ACSM3: variants seen among roughly 807,000 people sequenced by gnomAD.
ACSM3 encodes acyl-CoA synthetase medium chain family member 3.
A neutral mutation model predicts 74.1 loss-of-function variants in ACSM3; 61 were observed. The observed-to-expected ratio is 0.82, with a 90% CI of 0.67 to 1.02. ACSM3 has a LOEUF of 1.02. Ranked by LOEUF, ACSM3 falls within the 50% of genes least tolerant of loss-of-function variation. The pLI is 0.00. For missense variants in ACSM3, 660 were observed against 697.0 expected, an observed-to-expected ratio of 0.95 and a Z score of 0.60; for synonymous variants, 213 against 241.5, an observed-to-expected ratio of 0.88 and a Z score of 1.09.
intron 1 of ACSM3, chr16:20,741,482 C>CCCCCCCCCCCCCCCG: frequency 6.2e-6 from 1 of 160,352 alleles, no homozygotes. Flanking sequence ...TGGCAGCCGG[C>CCCCCCCCCCCCCCCG]CCGCCCGCCC....
Position 20,776,128 on chromosome 16 carries a change from T to C in ACSM3, c.430+79T>C. On this transcript the variant is annotated intron_variant, in intron 3 of 13. Coordinates refer to ENST00000289416, the MANE Select transcript of ACSM3 (RefSeq NM_005622.4). ...TTCCAGAACACCTAAGTAATCATGA[T>C]ACATTTATTTTGTTGTGGGCTTATT... is the stretch of plus-strand genomic sequence containing the variant. 2.1e-6 allele frequency: 3 copies of C among 1,456,036 alleles called. No homozygotes were observed. The East Asian group carries it at 6.9e-5, about 33-fold the overall frequency. 90.2% of individuals were successfully genotyped at this position (1,456,036 alleles called of 1,614,324 possible).
At chr16:20,736,541 A>T (rs187977973) in intron 1 of ACSM3, 2 of 225,052 alleles carry the variant, frequency 8.9e-6, no homozygotes, top group East Asian at 1.9e-4. Context: ...CCTTCCTTAG[A>T]ATGAAAACTT....
intron 2 of ACSM3, among the ~76,000 whole-genome samples, chr16:20,751,105 C>T (rs1347546668): frequency 2.0e-5 from 3 of 152,056 alleles, no homozygotes; most frequent in African/African-American, 4.8e-5. Flanking sequence ...GGATTACAGG[C>T]GTGAGCCACT....
At chr16:20,741,653 C>T in intron 1 of ACSM3, 1 of 1,583,204 alleles carries the variant, frequency 6.3e-7, no homozygotes, top group Non-Finnish European at 8.6e-7. Context: ...CGTCGCAGCG[C>T]CGAGCGCGCT....
At chr16:20,688,490 C>G (rs1002382759) in intron 1 of ACSM3, among the ~76,000 whole-genome samples, 5 of 151,906 alleles carry the variant, frequency 3.3e-5, no homozygotes, top group African/African-American at 1.2e-4. Context: ...CAAGGAGGAC[C>G]AATATCAAGA....
At position 20,738,055 on chromosome 16, in the gene ACSM3, G is replaced by T. The variant is rs1012344991; in HGVS notation, c.-189-11855G>T. 51 of 1,145,092 alleles carry T rather than the reference G, an allele frequency of 4.5e-5. No individual in the cohort carries two copies. In the Admixed American group the frequency reaches 5.2e-4, roughly 12 times the overall value. 70.9% of individuals were successfully genotyped at this position (1,145,092 alleles called of 1,614,324 possible). A position where few individuals can be genotyped will look rare whatever the true frequency, so the allele number is the denominator to read the frequency against. ...CTGGCAATGACATAAGTTGACAGAAGAAATTCTCATAATGAATTTTAAATG... is the reference window on the plus strand; with the variant it reads ...CTGGCAATGACATAAGTTGACAGAATAAATTCTCATAATGAATTTTAAATG... On this transcript the variant is annotated intron_variant, in intron 1 of 3. Transcript: ENST00000561584.
intron 6 of ACSM3, 82 bp from the exon 7 acceptor site, chr16:20,781,626 A>C (rs923912653): frequency 4.9e-6 from 5 of 1,027,832 alleles, no homozygotes; most frequent in Non-Finnish European, 6.1e-6. Context: ...ACAATGTTTA[A>C]ATTGTGCTGC....
intron 1 of ACSM3, among the ~76,000 whole-genome samples, chr16:20,695,365 A>G (rs991801848): frequency 2.0e-5 from 3 of 152,222 alleles, no homozygotes; most frequent in African/African-American, 7.2e-5. Flanking sequence ...AGCACGGACA[A>G]GTATTTTAGA....
intron 1 of ACSM3, among the ~76,000 whole-genome samples, chr16:20,729,062 C>T (rs2079817231): frequency 6.6e-6 from 1 of 152,214 alleles, no homozygotes; most frequent in African/African-American, 2.4e-5. Flanking sequence ...GAGCTATGAT[C>T]AAGCCAATGC....
At chr16:20,793,927 C>A (rs17747187) in intron 12 of ACSM3, among the ~76,000 whole-genome samples, 2 of 152,094 alleles carry the variant, frequency 1.3e-5, no homozygotes, top group Non-Finnish European at 2.9e-5. Context: ...GATATCCTAG[C>A]GTACAATATA....
At chr16:20,746,649 G>A (rs563570387) in intron 1 of ACSM3, among the ~76,000 whole-genome samples, 16 of 152,278 alleles carry the variant, frequency 1.1e-4, no homozygotes, top group African/African-American at 3.9e-4. Context: ...ACACCCAGAC[G>A]CTGTGTGAGA....
At chr16:20,786,928 T>G (rs949797014) in intron 9 of ACSM3, among the ~76,000 whole-genome samples, 4 of 152,154 alleles carry the variant, frequency 2.6e-5, no homozygotes, top group Non-Finnish European at 4.4e-5. Flanking sequence ...GCGGGTCAAC[T>G]AGGCCCGAAG....
At chr16:20,690,568 G>A (rs968777320) in intron 1 of ACSM3, among the ~76,000 whole-genome samples, 1 of 152,120 alleles carries the variant, frequency 6.6e-6, no homozygotes, top group Admixed American at 6.6e-5. Context: ...GCACATTCAG[G>A]TGGTCTATCC....
intron 1 of ACSM3, among the ~76,000 whole-genome samples, chr16:20,710,941 C>G (rs1457398536): frequency 6.6e-6 from 1 of 151,968 alleles, no homozygotes; most frequent in African/African-American, 2.4e-5. Context: ...AAAAAATTAG[C>G]TAGGCATGGT....
Position 20,693,648 on chromosome 16 carries a change from T to C in ACSM3, c.-190+18826T>C, listed in dbSNP as rs73530595. 1.7e-3 allele frequency among the ~76,000 whole-genome samples: 254 copies of C among 152,256 alleles called. 1 individual carries two copies. The highest frequency in any genetic ancestry group is 5.5e-3 in the African/African-American group (228 of 41,542). ...GTTGTCAAGTGGCTGGAGCTGAGAA[T>C]TGTCTGCTTTATTTAAATGAGATGT... On this transcript the variant is annotated intron_variant, in intron 1 of 3. Coordinates refer to the ACSM3 transcript ENST00000561584.
At chr16:20,743,579 A>T (rs1227043750) in intron 1 of ACSM3, 1 of 152,248 alleles carries the variant, frequency 6.6e-6, no homozygotes, top group Non-Finnish European at 1.5e-5. Flanking sequence ...TGATATTTTG[A>T]AAGGGACACC....
chr16:20,700,180 T>G (rs534512119), intron 1 of ACSM3, among the ~76,000 whole-genome samples: 9 of 152,204 alleles, frequency 5.9e-5, no homozygotes, highest in Non-Finnish European at 1.3e-4. Context: ...TTGAACTTGC[T>G]ATCGTCTGCT....
intron 1 of ACSM3, among the ~76,000 whole-genome samples, 178 bp from the exon 2 acceptor site, chr16:20,769,806 G>C (rs2080168821): frequency 6.6e-6 from 1 of 152,186 alleles, no homozygotes; most frequent in African/African-American, 2.4e-5. Flanking sequence ...GGGTTTCTCT[G>C]AGGATTTAAT....
chr16:20,773,677 CTT>C (rs893759785), intron 2 of ACSM3, among the ~76,000 whole-genome samples: 3 of 152,244 alleles, frequency 2.0e-5, no homozygotes, highest in African/African-American at 4.8e-5. Flanking sequence ...CAAAGTTCCT[CTT>C]GTTACTGATT....
Sources: gnomAD v4.1 joint callset for allele counts (sites outside exome capture counted in the v4.1 genomes callset) on GRCh38, gnomAD v4.1.1 for gene constraint, MANE v1.5 for transcripts, NCBI Gene and HGNC (gene_info 2026-07-23, HGNC 2026-07-21) for gene names.